The following CTNNA3 variants were observed in gnomAD, a reference collection of about 807,000 sequenced individuals.
The protein encoded by CTNNA3 is catenin alpha-3.
In CTNNA3, 76 loss-of-function variants were observed where a neutral mutation model predicts 95.7. The ratio of observed to expected loss-of-function variants is 0.79; its 90% CI spans 0.66 to 0.96. The LOEUF is 0.96. Among genes scored for constraint, CTNNA3 ranks in the 40% least tolerant of loss-of-function variants. The pLI is 0.00. For synonymous variants in CTNNA3, 431 were observed against 374.4 expected (o/e 1.15, Z -1.74); for missense variants, 1,191 against 1,089.8 (o/e 1.09, Z -1.31).
intron 13 of CTNNA3, among the ~76,000 whole-genome samples, chr10:66,118,020 T>A (rs1172505697): frequency 6.6e-6 from 1 of 152,200 alleles, no homozygotes; most frequent in African/African-American, 2.4e-5. Context: ...TGTTTGATTA[T>A]GTCTGACTGA....
chr10:67,757,487 G>A (rs1841440270), intron 1 of CTNNA3, among the ~76,000 whole-genome samples: 1 of 152,124 alleles, frequency 6.6e-6, no homozygotes, highest in South Asian at 2.1e-4. Flanking sequence ...CACTCTGGGT[G>A]GGCACCATCT....
At chr10:66,777,338 T>C (rs991958807) in intron 7 of CTNNA3, among the ~76,000 whole-genome samples, 4 of 151,822 alleles carry the variant, frequency 2.6e-5, no homozygotes, top group Non-Finnish European at 4.4e-5. Flanking sequence ...TACCATGTTT[T>C]AGTTTCTTAT....
chr10:67,730,627 A>T (rs888814293), intron 1 of CTNNA3, among the ~76,000 whole-genome samples: 1 of 152,150 alleles, frequency 6.6e-6, no homozygotes, highest in African/African-American at 2.4e-5. Flanking sequence ...TTGGAGCAGA[A>T]GGATAGAGGC....
intron 17 of CTNNA3, among the ~76,000 whole-genome samples, chr10:65,938,593 T>C (rs2077379084): frequency 6.6e-6 from 1 of 152,184 alleles, no homozygotes; most frequent in African/African-American, 2.4e-5. Context: ...ATGTTCTTCC[T>C]GGATCCCAGC....
chr10:67,653,014 G>T (rs1219100774), intron 1 of CTNNA3, among the ~76,000 whole-genome samples: 1 of 152,158 alleles, frequency 6.6e-6, no homozygotes, highest in African/African-American at 2.4e-5. Context: ...CTGAGATTGG[G>T]TAATTTATAA....
chr10:67,170,084 C>G (rs1031154787), intron 7 of CTNNA3, among the ~76,000 whole-genome samples: 1 of 152,108 alleles, frequency 6.6e-6, no homozygotes, highest in Admixed American at 6.5e-5. Context: ...CATCTCACAC[C>G]AGTCAAAATG....
chr10:66,339,450 A>G (rs1316451156), intron 12 of CTNNA3, among the ~76,000 whole-genome samples: 2 of 151,846 alleles, frequency 1.3e-5, no homozygotes, highest in African/African-American at 4.8e-5. Context: ...AGGTTCACCA[A>G]TTATGAAATT....
chr10:66,263,178 A>G (rs923754034), intron 13 of CTNNA3, among the ~76,000 whole-genome samples: 2 of 152,002 alleles, frequency 1.3e-5, no homozygotes, highest in Non-Finnish European at 2.9e-5. Context: ...AACAGAACAC[A>G]GCAGGGGGAA....
At chr10:67,060,036 C>T (rs1390318096) in intron 7 of CTNNA3, among the ~76,000 whole-genome samples, 2 of 152,038 alleles carry the variant, frequency 1.3e-5, no homozygotes, top group African/African-American at 4.8e-5. Context: ...CTTTTTTAGG[C>T]CAGACACAAT....
intron 10 of CTNNA3, among the ~76,000 whole-genome samples, chr10:66,603,273 A>G (rs866337794): frequency 1.3e-5 from 2 of 152,168 alleles, no homozygotes; most frequent in Non-Finnish European, 2.9e-5. Flanking sequence ...ACAAAAATTA[A>G]TAGTGTGTCT....
At chr10:66,654,136 C>A (rs183181626) in intron 9 of CTNNA3, among the ~76,000 whole-genome samples, 12 of 152,012 alleles carry the variant, frequency 7.9e-5, no homozygotes, top group Non-Finnish European at 1.6e-4. Context: ...AGTTTCTTCA[C>A]AGCCAAGGAA....
chr10:65,989,360 C>T (rs560059546), intron 15 of CTNNA3, among the ~76,000 whole-genome samples: 1 of 152,142 alleles, frequency 6.6e-6, no homozygotes, highest in African/African-American at 2.4e-5. Context: ...AAGATGAAGA[C>T]CTTTTTGATC....
At position 66,076,384 on chromosome 10, in the gene CTNNA3, T is replaced by C. The variant is rs1335913822; in HGVS notation, c.1978-6895A>G. Among the ~76,000 whole-genome samples, 3 of 151,720 alleles carry C rather than the reference T, an allele frequency of 2.0e-5. No individual in the cohort carries two copies. The South Asian group carries it at 6.2e-4, about 31-fold the overall frequency. On this transcript the variant is annotated intron_variant, in intron 14 of 17. Transcript: ENST00000433211. The stretch of plus-strand genomic sequence containing the variant: ...GATTTATGCATTGGTATCCTAAGCA[T>C]ACTAAATTGTGATCTCAAATATATT...
chr10:67,685,800 C>G (rs1301857376), intron 1 of CTNNA3, among the ~76,000 whole-genome samples: 1 of 152,124 alleles, frequency 6.6e-6, no homozygotes, highest in Non-Finnish European at 1.5e-5. Flanking sequence ...CTGTCTGTCT[C>G]TTTCTCTCTG....
intron 13 of CTNNA3, among the ~76,000 whole-genome samples, chr10:66,260,208 C>A (rs1564820698): frequency 1.3e-5 from 2 of 152,222 alleles, no homozygotes; most frequent in East Asian, 3.9e-4. Flanking sequence ...AAAAATGTAA[C>A]CACACTTGAA....
intron 9 of CTNNA3, among the ~76,000 whole-genome samples, chr10:66,739,052 T>C (rs1415608765): frequency 6.6e-6 from 1 of 152,178 alleles, no homozygotes; most frequent in Non-Finnish European, 1.5e-5. Context: ...CAGTCACCCA[T>C]AGACCTGGGA....
chr10:66,751,768 GC>G (rs1272451869), intron 9 of CTNNA3, among the ~76,000 whole-genome samples: 1 of 151,990 alleles, frequency 6.6e-6, no homozygotes, highest in South Asian at 2.1e-4. Context: ...AATTTAATGG[GC>G]AACTTTCCTA....
chr10:67,421,177 G>T (rs1449976268), intron 5 of CTNNA3, among the ~76,000 whole-genome samples: 1 of 152,092 alleles, frequency 6.6e-6, no homozygotes, highest in East Asian at 1.9e-4. Flanking sequence ...GATTGACAAA[G>T]ACATGGTCTT....
intron 7 of CTNNA3, among the ~76,000 whole-genome samples, chr10:66,845,090 T>C (rs1454359495): frequency 6.6e-6 from 1 of 152,186 alleles, no homozygotes; most frequent in African/African-American, 2.4e-5. Flanking sequence ...GAACACACTT[T>C]CTTTAGGAAA....
Sources: gnomAD v4.1 joint callset for allele counts (sites outside exome capture counted in the v4.1 genomes callset) on GRCh38, gnomAD v4.1.1 for gene constraint, MANE v1.5 for transcripts, NCBI Gene and HGNC (gene_info 2026-07-23, HGNC 2026-07-21) for gene names.